The following TENM2 variants were observed in gnomAD, a reference collection of about 807,000 sequenced individuals.
TENM2 encodes teneurin transmembrane protein 2, also known as teneurin-2.
A neutral mutation model predicts 245.2 loss-of-function variants in TENM2; 52 were observed. The ratio of observed to expected loss-of-function variants is 0.21; its 90% CI spans 0.17 to 0.27. TENM2 has a LOEUF of 0.27. Ranked by LOEUF, TENM2 falls within the 10% of genes least tolerant of loss-of-function variation. TENM2 has a pLI of 1.00. For synonymous variants in TENM2, 1,363 were observed against 1,438.9 expected, an observed-to-expected ratio of 0.95 and a Z score of 1.19; for missense variants, 3,046 against 3,666.8, an observed-to-expected ratio of 0.83 and a Z score of 4.37.
chr5:167,993,528 G>C (rs1187075869), intron 5 of TENM2, among the ~76,000 whole-genome samples: 1 of 152,136 alleles, frequency 6.6e-6, no homozygotes, highest in Non-Finnish European at 1.5e-5. Context: ...TTTAACCCAG[G>C]TCTGTGCTTT....
At chr5:167,668,256 T>C (rs1251690260) in intron 2 of TENM2, among the ~76,000 whole-genome samples, 1 of 152,158 alleles carries the variant, frequency 6.6e-6, no homozygotes, top group Non-Finnish European at 1.5e-5. Flanking sequence ...AGTCCCCTTA[T>C]GAAGAAACAG....
intron 12 of TENM2, among the ~76,000 whole-genome samples, chr5:168,145,800 T>C (rs1756012215): frequency 6.7e-6 from 1 of 150,234 alleles, no homozygotes; most frequent in Non-Finnish European, 1.5e-5. Context: ...TATTGATTCT[T>C]CCTACCCATG....
chr5:167,468,707 C>T (rs1399163256), intron 2 of TENM2, among the ~76,000 whole-genome samples: 1 of 152,168 alleles, frequency 6.6e-6, no homozygotes, highest in Non-Finnish European at 1.5e-5. Flanking sequence ...ATGTACTTCT[C>T]TGATACCACT....
intron 2 of TENM2, among the ~76,000 whole-genome samples, chr5:167,400,996 CAGA>C (rs1762335910): frequency 6.6e-6 from 1 of 151,980 alleles, no homozygotes; most frequent in African/African-American, 2.4e-5. Flanking sequence ...GAGGCTGAGG[CAGA>C]AGGATTGCTT....
chr5:168,195,377 A>G, intron 15 of TENM2, 82 bp downstream of exon 17: 8 of 1,496,854 alleles, frequency 5.3e-6, no homozygotes, highest in Non-Finnish European at 7.2e-6. Flanking sequence ...GCTTGGAACC[A>G]CAGGATTCCC....
the TENM2 span, among the ~76,000 whole-genome samples, chr5:167,011,216 A>G: frequency 1.3e-5 from 2 of 152,220 alleles, no homozygotes; most frequent in African/African-American, 4.8e-5. Flanking sequence ...GTTAACACCA[A>G]TTGTCTTGAG....
the TENM2 span, among the ~76,000 whole-genome samples, chr5:167,056,114 A>G: frequency 5.3e-5 from 8 of 151,884 alleles, no homozygotes; most frequent in East Asian, 1.5e-3. Context: ...TTTTTTTATT[A>G]TAATTGAGTG....
the TENM2 span, among the ~76,000 whole-genome samples, chr5:167,243,057 T>G: frequency 2.0e-5 from 3 of 146,462 alleles, no homozygotes; most frequent in Admixed American, 6.9e-5. Flanking sequence ...AATAAAAGAG[T>G]AGGAAAAGAT....
chr5:167,724,650 C>T (rs959910266), intron 2 of TENM2, among the ~76,000 whole-genome samples: 6 of 152,124 alleles, frequency 3.9e-5, no homozygotes, highest in African/African-American at 1.4e-4. Flanking sequence ...GAGATAGGAA[C>T]ACCACTTCAG....
chr5:168,021,347 A>C (rs897853092), intron 5 of TENM2, among the ~76,000 whole-genome samples: 1 of 152,216 alleles, frequency 6.6e-6, no homozygotes, highest in Admixed American at 6.5e-5. Context: ...TGCTTAAAGG[A>C]GCAAATGATT....
In TENM2 at chr5:168,038,421, C is replaced by T. The variant is rs7709743; in HGVS notation, c.1187-9006C>T. On this transcript the variant is annotated intron_variant, in intron 5 of 28. Transcript: ENST00000518659. The stretch of plus-strand genomic sequence containing the variant: ...GCAAGAAAATGTGGCTAAGAGCACA[C>T]ACTTGGCTCTAAAACCAGCTGCCCC... Among the ~76,000 whole-genome samples the T allele has an allele frequency of 8.0e-3, 1,220 of 152,248 alleles. 15 individuals are homozygous for T. The highest frequency in any genetic ancestry group is 0.027 in the African/African-American group (1,141 of 41,538).
chr5:167,871,657 C>T (rs566424214), intron 2 of TENM2, among the ~76,000 whole-genome samples: 23 of 152,236 alleles, frequency 1.5e-4, no homozygotes, highest in African/African-American at 3.4e-4. Context: ...TGTTTCCTTT[C>T]GTTTTTTAAC....
At chr5:167,122,988 A>C in the TENM2 span, among the ~76,000 whole-genome samples, 2 of 152,118 alleles carry the variant, frequency 1.3e-5, no homozygotes, top group Admixed American at 1.3e-4. Flanking sequence ...CTTCTTCTTC[A>C]GCATCATAGA....
chr5:168,036,173 GA>G (rs1428044351), intron 5 of TENM2, among the ~76,000 whole-genome samples: 2 of 152,168 alleles, frequency 1.3e-5, no homozygotes. Context: ...CCATAAGGAG[GA>G]GGGGGACACA....
intron 2 of TENM2, among the ~76,000 whole-genome samples, chr5:167,497,687 A>G (rs907059777): frequency 1.3e-5 from 2 of 152,120 alleles, no homozygotes; most frequent in African/African-American, 4.8e-5. Flanking sequence ...AAGGGTAGGT[A>G]TCGCACTGCT....
intron 2 of TENM2, among the ~76,000 whole-genome samples, chr5:167,528,303 A>G (rs930753773): frequency 2.0e-5 from 3 of 152,070 alleles, no homozygotes; most frequent in Admixed American, 6.6e-5. Flanking sequence ...TGGGCTAGGG[A>G]TGTGCAATAT....
At chr5:167,699,256 A>G (rs576488215) in intron 2 of TENM2, among the ~76,000 whole-genome samples, 2 of 152,218 alleles carry the variant, frequency 1.3e-5, no homozygotes, top group South Asian at 4.1e-4. Flanking sequence ...TCAACACACT[A>G]GAATGCTGCG....
At chr5:168,168,499 G>T (rs1758505113) in intron 13 of TENM2, among the ~76,000 whole-genome samples, 1 of 152,076 alleles carries the variant, frequency 6.6e-6, no homozygotes, top group African/African-American at 2.4e-5. Flanking sequence ...CGGCAACATG[G>T]TGAAACCCCA....
At chr5:167,171,230 AC>A in the TENM2 span, among the ~76,000 whole-genome samples, 1 of 152,084 alleles carries the variant, frequency 6.6e-6, no homozygotes, top group Non-Finnish European at 1.5e-5. Flanking sequence ...ATGAAATTCT[AC>A]CTTTACACTT....
Sources: allele counts gnomAD v4.1 joint callset (sites outside exome capture counted in the v4.1 genomes callset), GRCh38; gene constraint gnomAD v4.1.1; transcripts MANE v1.5; gene names NCBI Gene and HGNC (gene_info 2026-07-23, HGNC 2026-07-21).